The following UNC5C variants were observed in gnomAD, a reference collection of about 807,000 sequenced individuals.
The protein encoded by UNC5C is unc-5 netrin receptor C.
UNC5C carries 47 observed loss-of-function variants against 99.8 expected under a neutral mutation model. That is an observed-to-expected ratio of 0.47 (90% CI 0.37 to 0.60). The LOEUF is 0.60. Among genes scored for constraint, UNC5C ranks in the 20% least tolerant of loss-of-function variants. UNC5C has a pLI of 0.00. For synonymous variants in UNC5C, 487 were observed against 452.2 expected (o/e 1.08, Z -0.98); for missense variants, 1,062 against 1,165.9 (o/e 0.91, Z 1.30).
At chr4:95,471,807 T>C (rs1747977334) in intron 1 of UNC5C, among the ~76,000 whole-genome samples, 1 of 152,082 alleles carries the variant, frequency 6.6e-6, no homozygotes. Context: ...GTCAAAAAAC[T>C]TTACGCCTGT....
chr4:95,348,459 T>A (rs936512642), intron 1 of UNC5C, among the ~76,000 whole-genome samples: 4 of 151,544 alleles, frequency 2.6e-5, no homozygotes, highest in African/African-American at 9.7e-5. Context: ...ATATTTGCAC[T>A]CCCATGTTCA....
At chr4:95,315,328 G>C (rs1407975157) in intron 2 of UNC5C, among the ~76,000 whole-genome samples, 1 of 152,114 alleles carries the variant, frequency 6.6e-6, no homozygotes, top group Admixed American at 6.6e-5. Flanking sequence ...AGGTGACCTT[G>C]TTCAGGGCAG....
intron 4 of UNC5C, among the ~76,000 whole-genome samples, chr4:95,270,674 T>A (rs1376768372): frequency 6.6e-6 from 1 of 152,074 alleles, no homozygotes; most frequent in African/African-American, 2.4e-5. Flanking sequence ...TATGAGGAGA[T>A]AAAAGCATGA....
At chr4:95,482,791 T>G in intron 1 of UNC5C, among the ~76,000 whole-genome samples, 1 of 119,012 alleles carries the variant, frequency 8.4e-6, no homozygotes. Flanking sequence ...TTCTCACTCA[T>G]AGATGGGAAT....
chr4:95,516,921 C>T (rs115861728), intron 1 of UNC5C, among the ~76,000 whole-genome samples: 1,580 of 152,088 alleles, frequency 0.01, 9 homozygotes, highest in African/African-American at 0.021. Flanking sequence ...GAGAGCACTA[C>T]GAAAAGGGAA....
intron 3 of UNC5C, among the ~76,000 whole-genome samples, chr4:95,289,867 A>G (rs966474536): frequency 6.6e-6 from 1 of 152,218 alleles, no homozygotes; most frequent in Non-Finnish European, 1.5e-5. Context: ...ACTTAATGCC[A>G]TAGAGCCCTG....
At chr4:95,297,242 C>G (rs1391996567) in intron 3 of UNC5C, among the ~76,000 whole-genome samples, 1 of 152,150 alleles carries the variant, frequency 6.6e-6, no homozygotes, top group South Asian at 2.1e-4. Flanking sequence ...ACCTGATATC[C>G]TAGTACCCTT....
At chr4:95,297,092 G>T (rs1009596443) in intron 3 of UNC5C, among the ~76,000 whole-genome samples, 2 of 152,276 alleles carry the variant, frequency 1.3e-5, no homozygotes, top group Non-Finnish European at 2.9e-5. Flanking sequence ...GGGGAATACA[G>T]GTCTGCTCAC....
intron 3 of UNC5C, among the ~76,000 whole-genome samples, chr4:95,291,628 T>C (rs1390922611): frequency 2.0e-5 from 3 of 152,146 alleles, no homozygotes; most frequent in Admixed American, 1.3e-4. Flanking sequence ...CTTCTGACCA[T>C]CTACAAAAGC....
At chr4:95,388,405 A>G (rs1745268669) in intron 1 of UNC5C, among the ~76,000 whole-genome samples, 1 of 152,204 alleles carries the variant, frequency 6.6e-6, no homozygotes, top group Non-Finnish European at 1.5e-5. Flanking sequence ...CAAAAATCAC[A>G]TAGTGAAACT....
At chr4:95,182,455 C>T (rs573548533) in intron 14 of UNC5C, among the ~76,000 whole-genome samples, 3 of 151,990 alleles carry the variant, frequency 2.0e-5, no homozygotes, top group African/African-American at 7.2e-5. Flanking sequence ...TTCTTCCACT[C>T]CACCCAGCAG....
intron 7 of UNC5C, among the ~76,000 whole-genome samples, chr4:95,230,115 T>C (rs905933922): frequency 1.3e-5 from 2 of 152,084 alleles, no homozygotes; most frequent in African/African-American, 2.4e-5. Flanking sequence ...CCAGCCTGTT[T>C]ACTGACTTTT....
chr4:95,527,849 T>C (rs888762610), intron 1 of UNC5C, among the ~76,000 whole-genome samples: 2 of 152,136 alleles, frequency 1.3e-5, no homozygotes, highest in African/African-American at 2.4e-5. Flanking sequence ...TGACACTATA[T>C]TGCAAAATCA....
intron 1 of UNC5C, among the ~76,000 whole-genome samples, chr4:95,544,528 C>T (rs1244570322): frequency 1.3e-5 from 2 of 152,166 alleles, no homozygotes; most frequent in Non-Finnish European, 2.9e-5. Flanking sequence ...CGCTTTTATA[C>T]TTAAGAAAGT....
chr4:95,216,139 C>T lies in UNC5C; in HGVS notation c.1718G>A (p.Arg573Lys), dbSNP rs1219708513. ...RVYEMYVTVH[R>K]KETMRPPMDD... Reference sequence around the variant, plus strand: ...GCATATTTACCTCATAGTTTCTTTCCTGTGTACAGTCACATACATTTCGTA... The same window carrying T: ...GCATATTTACCTCATAGTTTCTTTCTTGTGTACAGTCACATACATTTCGTA... Residue 573 changes from arginine to lysine, a missense_variant, in exon 10 of 16, where the codon AGG (arginine) becomes AAG (lysine). By Grantham distance (26) the Arg-to-Lys change is conservative. Transcript: ENST00000453304. The T allele has an allele frequency of 1.9e-6, 3 of 1,613,356 alleles. No individual in the cohort carries two copies. Among genetic ancestry groups the T allele is most frequent in the African/African-American group, 2.7e-5 (2 of 74,890 alleles).
chr4:95,498,984 A>C (rs1378909933), intron 1 of UNC5C, among the ~76,000 whole-genome samples: 2 of 152,122 alleles, frequency 1.3e-5, no homozygotes, highest in African/African-American at 4.8e-5. Context: ...TCACTATTAG[A>C]AGAGTCTTGA....
chr4:95,347,741 A>G (rs993955193), intron 1 of UNC5C, among the ~76,000 whole-genome samples: 1 of 152,102 alleles, frequency 6.6e-6, no homozygotes, highest in Non-Finnish European at 1.5e-5. Flanking sequence ...ATCTCTCACC[A>G]TATACAGAAA....
rs2149339845 is a variant in UNC5C at position 95,162,980 on chromosome 4, T to G, written c.*6254A>C. On this transcript the variant is annotated 3_prime_UTR_variant, in exon 16 of 16. Coordinates refer to ENST00000453304, the MANE Select transcript of UNC5C (RefSeq NM_003728.4). Reference sequence around the variant, plus strand: ...TCTCTGACAAACATTGGTGTCTTCTTTACAAAGAGCAAAGAGGAAGGTCAC... The same window carrying G: ...TCTCTGACAAACATTGGTGTCTTCTGTACAAAGAGCAAAGAGGAAGGTCAC... 1 of 152,242 alleles carries G rather than the reference T, an allele frequency of 6.6e-6. No individual in the cohort carries two copies. Among genetic ancestry groups the G allele is most frequent in the South Asian group, 2.1e-4 (1 of 4,820 alleles). The allele number at this position is 152,242 out of a possible 1,614,324, so 9.4% of individuals were successfully genotyped here.
At chr4:95,259,132 A>G (rs1740125420) in intron 4 of UNC5C, among the ~76,000 whole-genome samples, 1 of 152,066 alleles carries the variant, frequency 6.6e-6, no homozygotes, top group Non-Finnish European at 1.5e-5. Flanking sequence ...GCTTGGGCCC[A>G]AAACTGAACT....
Sources: gnomAD v4.1 joint callset for allele counts (sites outside exome capture counted in the v4.1 genomes callset) on GRCh38, gnomAD v4.1.1 for gene constraint, MANE v1.5 for transcripts, NCBI Gene and HGNC (gene_info 2026-07-23, HGNC 2026-07-21) for gene names.